Variants in GLI3 observed in about 807,000 individuals in gnomAD.
GLI3 encodes the protein transcription activator GLI3.
GLI3 carries 20 observed loss-of-function variants against 100.8 expected under a neutral mutation model. The ratio of observed to expected loss-of-function variants is 0.20; its 90% CI spans 0.14 to 0.29. The LOEUF (loss-of-function observed/expected upper bound fraction) is 0.29. Among genes scored for constraint, GLI3 ranks in the 10% least tolerant of loss-of-function variants. GLI3 has a pLI of 1.00. For missense variants in GLI3, 2,040 were observed against 2,128.5 expected (o/e 0.96, Z 0.82); for synonymous variants, 938 against 860.5 (o/e 1.09, Z -1.58).
chr7:42,249,540 T>G (rs999635540), intron 1 of GLI3, among the ~76,000 whole-genome samples: 4 of 152,102 alleles, frequency 2.6e-5, no homozygotes, highest in African/African-American at 9.7e-5. Flanking sequence ...GTTTCAAAAT[T>G]TGTTTATGCC....
At position 42,078,415 on chromosome 7, in the gene GLI3, T is replaced by TA. The variant is rs761341177; in HGVS notation, c.368-1559dup. 1.3e-4 allele frequency among the ~76,000 whole-genome samples: 19 copies of TA among 151,856 alleles called. No homozygotes were observed. The South Asian group carries it at 1.3e-3, about 10-fold the overall frequency. ...TATGAAGAAAAAAATCCAGTAAGAGTAAAAAAAACGATGAGCATAGCATTC... is the reference window on the plus strand; with the variant it reads ...TATGAAGAAAAAAATCCAGTAAGAGTAAAAAAAAACGATGAGCATAGCATTC... On this transcript the variant is annotated intron_variant, in intron 3 of 14. Coordinates refer to ENST00000395925, the MANE Select transcript of GLI3 (RefSeq NM_000168.6).
chr7:42,054,550 A>G (rs1784413627), intron 4 of GLI3, among the ~76,000 whole-genome samples: 1 of 152,180 alleles, frequency 6.6e-6, no homozygotes, highest in African/African-American at 2.4e-5. Context: ...TTTTTTAAAT[A>G]TAACAAGTAG....
At chr7:42,257,739 G>T (rs1449850751) in intron 1 of GLI3, among the ~76,000 whole-genome samples, 3 of 151,104 alleles carry the variant, frequency 2.0e-5, no homozygotes, top group Admixed American at 1.3e-4. Flanking sequence ...TTTGCTGATT[G>T]TTTTTTAAAA....
chr7:41,965,963 G>A lies in GLI3; in HGVS notation c.3110C>T (p.Thr1037Met), dbSNP rs769100742. The change falls in exon 15 of 15, where the codon ACG becomes ATG. Residue 1037 changes from threonine (T) to methionine (M), a missense_variant. By Grantham distance (81) the Thr-to-Met change is moderately conservative. This residue lies in a region of GLI3 where 1,041 missense variants were observed against 924.0 expected (regional missense o/e 1.13). Coordinates refer to ENST00000395925, the MANE Select transcript of GLI3 (RefSeq NM_000168.6). Reference sequence around the variant, plus strand: ...CACGAGACTGCGCTTCTCCGCGGACGTGGCCATCGCCGGGGGGTTGCAGCT... The same window carrying A: ...CACGAGACTGCGCTTCTCCGCGGACATGGCCATCGCCGGGGGGTTGCAGCT... The part of the protein sequence containing the change: ...LSSCNPPAMA[T>M]SAEKRSLVLQ... 1.9e-6 allele frequency: 3 copies of A among 1,609,708 alleles called. No homozygotes were observed. The highest frequency in any genetic ancestry group is 2.2e-5 in the East Asian group (1 of 44,852).
chr7:42,237,560 T>TCTCCTCCTCTTCCTC, upstream of GLI3, among the ~76,000 whole-genome samples: 1 of 148,590 alleles, frequency 6.7e-6, no homozygotes, highest in African/African-American at 2.5e-5. Flanking sequence ...CCTTCCCTTC[T>TCTCCTCCTCTTCCTC]CTCCTCCTCT....
At chr7:42,240,890 T>C (rs1788917614), upstream of GLI3, among the ~76,000 whole-genome samples, 1 of 152,208 alleles carries the variant, frequency 6.6e-6, no homozygotes, top group Non-Finnish European at 1.5e-5. Context: ...CTCTGATTCC[T>C]ACCATGGGCC....
intron 4 of GLI3, among the ~76,000 whole-genome samples, chr7:42,059,637 C>T (rs1036896993): frequency 6.6e-6 from 1 of 152,224 alleles, no homozygotes; most frequent in Non-Finnish European, 1.5e-5. Flanking sequence ...TGTCCAGTTG[C>T]AATTCTTTTC....
chr7:42,019,404 T>G (rs932809939), intron 10 of GLI3, among the ~76,000 whole-genome samples: 1 of 152,214 alleles, frequency 6.6e-6, no homozygotes, highest in Non-Finnish European at 1.5e-5. Context: ...AGATGGAACT[T>G]ACTTCTCGGA....
intron 3 of GLI3, among the ~76,000 whole-genome samples, chr7:42,099,438 A>C (rs1785411573): frequency 6.6e-6 from 1 of 152,262 alleles, no homozygotes; most frequent in African/African-American, 2.4e-5. Context: ...TTTTTCGTTA[A>C]CAGTAAACAT....
intron 1 of GLI3, among the ~76,000 whole-genome samples, chr7:42,257,912 G>A (rs995882615): frequency 6.6e-6 from 1 of 152,128 alleles, no homozygotes; most frequent in Admixed American, 6.5e-5. Context: ...ACTTGGTCAT[G>A]GTGTAGAATT....
At chr7:42,080,104 A>C (rs2128752837) in intron 3 of GLI3, among the ~76,000 whole-genome samples, 1 of 152,250 alleles carries the variant, frequency 6.6e-6, no homozygotes, top group South Asian at 2.1e-4. Flanking sequence ...ATTTTCAAGA[A>C]ATTATTCTTT....
At chr7:42,148,038 TA>T (rs1786759678) in intron 3 of GLI3, among the ~76,000 whole-genome samples, 187 bp downstream of exon 3, 1 of 151,878 alleles carries the variant, frequency 6.6e-6, no homozygotes, top group South Asian at 2.1e-4. Flanking sequence ...CATCTCTCTC[TA>T]AAAAGAATGG....
chr7:41,983,714 C>T (rs1018899418), intron 10 of GLI3, among the ~76,000 whole-genome samples: 4 of 152,166 alleles, frequency 2.6e-5, no homozygotes, highest in African/African-American at 4.8e-5. Flanking sequence ...CCAACTCTCT[C>T]GGCGCAGCCA....
chr7:42,174,096 A>G (rs1265902369), intron 2 of GLI3, among the ~76,000 whole-genome samples: 6 of 152,206 alleles, frequency 3.9e-5, no homozygotes, highest in African/African-American at 1.4e-4. Context: ...AGTATTCCAT[A>G]GGATAAAAGA....
At chr7:42,133,909 C>T (rs1786357039) in intron 3 of GLI3, among the ~76,000 whole-genome samples, 2 of 152,030 alleles carry the variant, frequency 1.3e-5, no homozygotes, top group Non-Finnish European at 2.9e-5. Flanking sequence ...TGGTGAAACA[C>T]CGTATCTACT....
intron 2 of GLI3, among the ~76,000 whole-genome samples, chr7:42,193,934 G>T (rs2128689498): frequency 6.6e-6 from 1 of 152,240 alleles, no homozygotes; most frequent in South Asian, 2.1e-4. Flanking sequence ...TACCGCTAAA[G>T]CTCCCCTCCT....
intron 1 of GLI3, among the ~76,000 whole-genome samples, chr7:42,245,747 A>C (rs940542925): frequency 6.6e-6 from 1 of 152,146 alleles, no homozygotes; most frequent in African/African-American, 2.4e-5. Context: ...AGAGAATTAA[A>C]TATAATAATA....
intron 4 of GLI3, among the ~76,000 whole-genome samples, chr7:42,049,410 A>G (rs1784308791): frequency 6.6e-6 from 1 of 152,192 alleles, no homozygotes; most frequent in Non-Finnish European, 1.5e-5. Flanking sequence ...AGCACCTGGA[A>G]TCAGCTTTCT....
At chr7:41,993,540 A>G (rs1050704551) in intron 10 of GLI3, among the ~76,000 whole-genome samples, 5 of 152,314 alleles carry the variant, frequency 3.3e-5, no homozygotes, top group East Asian at 3.9e-4. Context: ...ACATTGTTTA[A>G]TATTTATTGT....
Sources: gnomAD v4.1 joint callset for allele counts (sites outside exome capture counted in the v4.1 genomes callset) on GRCh38, gnomAD v4.1.1 for gene constraint, gnomAD v4.1.1 regional missense constraint, MANE v1.5 for transcripts, NCBI Gene and HGNC (gene_info 2026-07-23, HGNC 2026-07-21) for gene names.